The following TOP6BL variants were observed in gnomAD, a reference collection of about 807,000 sequenced individuals.
TOP6BL encodes the protein type 2 DNA topoisomerase 6 subunit B-like.
At chr11:66,803,126 A>G in the TOP6BL span, among the ~76,000 whole-genome samples, 1 of 152,174 alleles carries the variant, frequency 6.6e-6, no homozygotes, top group Non-Finnish European at 1.5e-5. Context: ...AGACCTCTTC[A>G]GCGGAAGGTG....
chr11:66,800,621 C>A, the TOP6BL span: 1 of 1,577,836 alleles, frequency 6.3e-7, no homozygotes, highest in Non-Finnish European at 8.6e-7. Context: ...AAATCTCACA[C>A]TTAACTTATT....
chr11:66,772,015 T>C, the TOP6BL span, among the ~76,000 whole-genome samples: 7 of 152,020 alleles, frequency 4.6e-5, no homozygotes, highest in Non-Finnish European at 1.0e-4. Context: ...TGGAAAGGAG[T>C]CACCATTCTA....
At chr11:66,774,726 C>T in the TOP6BL span, among the ~76,000 whole-genome samples, 1 of 152,044 alleles carries the variant, frequency 6.6e-6, no homozygotes, top group African/African-American at 2.4e-5. Context: ...CCGCCTTTGC[C>T]TCCCAAAGTG....
chr11:66,767,732 C>T, the TOP6BL span, among the ~76,000 whole-genome samples: 2 of 152,114 alleles, frequency 1.3e-5, no homozygotes, highest in African/African-American at 4.8e-5. Flanking sequence ...TATGATAGTT[C>T]AGTTTTTGCC....
At chr11:66,794,265 G>T in the TOP6BL span, among the ~76,000 whole-genome samples, 4 of 151,782 alleles carry the variant, frequency 2.6e-5, no homozygotes, top group African/African-American at 9.7e-5. Flanking sequence ...GTACATGGCT[G>T]TGTATTCTCT....
the TOP6BL span, chr11:66,762,496 G>C: frequency 8.0e-6 from 2 of 249,662 alleles, no homozygotes; most frequent in African/African-American, 4.8e-5. Context: ...TTGAGACGGA[G>C]TCTCGCTCTG....
At chr11:66,802,096 T>C in the TOP6BL span, among the ~76,000 whole-genome samples, 1 of 152,112 alleles carries the variant, frequency 6.6e-6, no homozygotes, top group African/African-American at 2.4e-5. Context: ...CTCAAGTCAT[T>C]TTCCCACCTC....
At chr11:66,815,313 T>C in the TOP6BL span, among the ~76,000 whole-genome samples, 1 of 152,156 alleles carries the variant, frequency 6.6e-6, no homozygotes, top group Non-Finnish European at 1.5e-5. Flanking sequence ...TGTCCTCTCA[T>C]CTCCCTCCCT....
At chr11:66,808,796 G>A in the TOP6BL span, among the ~76,000 whole-genome samples, 4 of 152,288 alleles carry the variant, frequency 2.6e-5, no homozygotes, top group South Asian at 8.3e-4. Flanking sequence ...GACAAGTTAT[G>A]GAAAATACAG....
chr11:66,744,832 G>GGCGGCA, the TOP6BL span: 1 of 1,327,536 alleles, frequency 7.5e-7, no homozygotes, highest in East Asian at 3.1e-5. Context: ...CGGCGGCGGC[G>GGCGGCA]GCGGCGGCGG....
chr11:66,799,076 G>A, the TOP6BL span, among the ~76,000 whole-genome samples: 3 of 151,782 alleles, frequency 2.0e-5, no homozygotes, highest in Middle Eastern at 6.8e-3. Context: ...GCATGGTGGC[G>A]CACGCCTGTA....
chr11:66,777,057 C>CTATATCTA, the TOP6BL span, among the ~76,000 whole-genome samples: 1 of 150,018 alleles, frequency 6.7e-6, no homozygotes, highest in Admixed American at 6.7e-5. Context: ...ATCTATATAT[C>CTATATCTA]TATATCTATA....
chr11:66,748,231 C>T, the TOP6BL span: 1 of 621,530 alleles, frequency 1.6e-6, no homozygotes, highest in Non-Finnish European at 2.6e-6. Context: ...ACACAATACT[C>T]TGAACAAACC....
chr11:66,841,530 T>C, the TOP6BL span, among the ~76,000 whole-genome samples: 1 of 152,230 alleles, frequency 6.6e-6, no homozygotes, highest in East Asian at 1.9e-4. Context: ...TATTGGGCTC[T>C]TAAGGTCTTC....
chr11:66,815,801 C>T, the TOP6BL span: 2 of 358,886 alleles, frequency 5.6e-6, no homozygotes, highest in Admixed American at 8.5e-5. Flanking sequence ...TAGAGCTTCT[C>T]AGTAATGTAA....
chr11:66,772,108 C>T, the TOP6BL span, among the ~76,000 whole-genome samples: 1 of 152,072 alleles, frequency 6.6e-6, no homozygotes, highest in African/African-American at 2.4e-5. Context: ...TTGATTCCAA[C>T]CCTTATGGAT....
the TOP6BL span, among the ~76,000 whole-genome samples, chr11:66,768,253 G>GTT: frequency 1.4e-5 from 2 of 146,284 alleles, no homozygotes; most frequent in African/African-American, 5.0e-5. Flanking sequence ...ACGTAATCAA[G>GTT]TTTTTTTTTT....
chr11:66,794,397 G>A, the TOP6BL span, among the ~76,000 whole-genome samples: 1 of 152,120 alleles, frequency 6.6e-6, no homozygotes, highest in Admixed American at 6.5e-5. Context: ...TAGTGAGTCA[G>A]TATAGGTAAG....
At chr11:66,842,828 A>G in the TOP6BL span, 1 of 1,539,216 alleles carries the variant, frequency 6.5e-7, no homozygotes, top group Non-Finnish European at 8.8e-7. Flanking sequence ...AGTAAGATGA[A>G]GAGGCTTGTT....
Sources: allele counts gnomAD v4.1 joint callset (sites outside exome capture counted in the v4.1 genomes callset), GRCh38; gene constraint gnomAD v4.1.1; transcripts MANE v1.5; gene names NCBI Gene and HGNC (gene_info 2026-07-23, HGNC 2026-07-21).